Variants in ARHGAP6 observed in about 807,000 individuals in gnomAD.
The protein encoded by ARHGAP6 is rho GTPase-activating protein 6.
ARHGAP6 carries 16 observed loss-of-function variants against 55.7 expected under a neutral mutation model. That is an observed-to-expected ratio of 0.29 (90% confidence interval 0.19 to 0.44). ARHGAP6 has a LOEUF of 0.44. Ranked by LOEUF, ARHGAP6 falls within the 20% of genes least tolerant of loss-of-function variation. The pLI, the probability that ARHGAP6 is intolerant of heterozygous loss-of-function variation, is 1.00. For synonymous variants in ARHGAP6, 382 were observed against 360.9 expected (o/e 1.06, Z -0.66); for missense variants, 698 against 808.9 (o/e 0.86, Z 1.66).
intron 1 of ARHGAP6, among the ~76,000 whole-genome samples, chrX:11,657,989 A>C (rs761567577): frequency 4.5e-5 from 5 of 112,090 alleles, no homozygotes; most frequent in Middle Eastern, 4.6e-3. Flanking sequence ...AATCAGGATA[A>C]AAACTGATTG....
intron 5 of ARHGAP6, among the ~76,000 whole-genome samples, chrX:11,184,407 T>A (rs956885952): frequency 8.9e-6 from 1 of 112,472 alleles, no homozygotes; most frequent in African/African-American, 3.2e-5. Context: ...TATAACATTA[T>A]TTCTTTACAT....
At chrX:11,366,880 T>A (rs2049086395) in intron 1 of ARHGAP6, among the ~76,000 whole-genome samples, 1 of 111,539 alleles carries the variant, frequency 9.0e-6, no homozygotes, top group Admixed American at 9.5e-5. Flanking sequence ...AGCCACAGAA[T>A]TGATAAAAGG....
chrX:11,270,115 C>T (rs1369373380), intron 1 of ARHGAP6, among the ~76,000 whole-genome samples: 2 of 111,958 alleles, frequency 1.8e-5, no homozygotes, highest in Non-Finnish European at 3.8e-5. Flanking sequence ...ACAAAGAGAG[C>T]GTAAAGCGTA....
chrX:11,139,319 G>T lies in ARHGAP6; in HGVS notation c.2469C>A (p.His823Gln), dbSNP rs1362150548. 3 of 1,183,196 alleles carry T rather than the reference G, an allele frequency of 2.5e-6. No individual in the cohort carries two copies. The highest frequency in any genetic ancestry group is 1.8e-5 in the South Asian group (1 of 54,179). The change falls in exon 13 of 13, where the codon CAC (histidine) becomes CAA (glutamine). Residue 823 changes from histidine to glutamine, a missense_variant. His to Gln is a conservative substitution (Grantham distance 24). Around this residue, in one of 3 missense-constraint regions of ARHGAP6, gnomAD observed 212 missense variants for 208.7 expected, o/e 1.02. Coordinates refer to ENST00000337414, the MANE Select transcript of ARHGAP6 (RefSeq NM_013427.3). Reference protein sequence around the residue: ...PAVSRACSTPHVQVAGKAERP... With the variant: ...PAVSRACSTPQVQVAGKAERP... The stretch of plus-strand genomic sequence containing the variant: ...GCTCGGCTTTCCCTGCCACCTGGAC[G>T]TGGGGCGTGCTGCAGGCGCGCGACA...
intron 1 of ARHGAP6, among the ~76,000 whole-genome samples, chrX:11,354,327 CTATATATATA>C (rs1174449401): frequency 3.1e-4 from 10 of 32,348 alleles, no homozygotes; most frequent in Non-Finnish European, 4.7e-4. Context: ...CTCTCTCTCT[CTATATATATA>C]TATATATATA....
chrX:11,556,639 G>A (rs749041059), intron 1 of ARHGAP6, among the ~76,000 whole-genome samples: 2 of 112,179 alleles, frequency 1.8e-5, no homozygotes, highest in South Asian at 3.7e-4. Context: ...GGAGTTCCTC[G>A]AGACAGGAAA....
chrX:11,651,800 G>A (rs926118272), intron 1 of ARHGAP6, among the ~76,000 whole-genome samples: 3 of 111,552 alleles, frequency 2.7e-5, no homozygotes, highest in Non-Finnish European at 5.7e-5. Context: ...GCCAGCATCT[G>A]TTATTTTTTT....
chrX:11,661,953 C>A (rs1381451801), intron 1 of ARHGAP6, among the ~76,000 whole-genome samples: 1 of 111,910 alleles, frequency 8.9e-6, no homozygotes, highest in Non-Finnish European at 1.9e-5. Flanking sequence ...TGCTAAATAC[C>A]CCGCAATACC....
chrX:11,152,141 CTAGAG>C (rs2045789944), intron 10 of ARHGAP6, among the ~76,000 whole-genome samples: 1 of 111,928 alleles, frequency 8.9e-6, no homozygotes, highest in African/African-American at 3.2e-5. Flanking sequence ...GATGAGGAAA[CTAGAG>C]AGAGAGATCT....
intron 10 of ARHGAP6, among the ~76,000 whole-genome samples, chrX:11,153,234 T>G (rs1391707618): frequency 2.7e-5 from 3 of 110,378 alleles, no homozygotes; most frequent in Non-Finnish European, 5.7e-5. Context: ...CATAGTAAAG[T>G]TTGAGAAGCA....
intron 1 of ARHGAP6, among the ~76,000 whole-genome samples, chrX:11,573,755 G>T: frequency 9.0e-6 from 1 of 110,567 alleles, no homozygotes; most frequent in East Asian, 2.8e-4. Context: ...GGATGGCATT[G>T]AATCTATAAA....
intron 1 of ARHGAP6, among the ~76,000 whole-genome samples, chrX:11,631,809 A>C (rs1285816111): frequency 2.7e-5 from 3 of 112,424 alleles, no homozygotes; most frequent in Non-Finnish European, 5.6e-5. Flanking sequence ...GCTATGTCCC[A>C]ATAAAGCTTT....
chrX:11,478,023 G>C (rs1165799917), intron 1 of ARHGAP6, among the ~76,000 whole-genome samples: 2 of 111,689 alleles, frequency 1.8e-5, no homozygotes, highest in African/African-American at 6.5e-5. Context: ...TTTTTAAAAA[G>C]AGATATAAAT....
chrX:11,298,353 A>G (rs1301809932), intron 1 of ARHGAP6: 2 of 1,112,360 alleles, frequency 1.8e-6, no homozygotes, highest in Non-Finnish European at 2.5e-6. Flanking sequence ...GTGAAATATC[A>G]TGTCTACTCC....
intron 1 of ARHGAP6, among the ~76,000 whole-genome samples, chrX:11,567,566 A>AAAAAAAAAAAAAAAATATATATATATAT (rs1440758737): frequency 1.2e-5 from 1 of 84,409 alleles, no homozygotes; most frequent in Non-Finnish European, 2.3e-5. Flanking sequence ...AAAAAAAAAA[A>AAAAAAAAAAAAAAAATATATATATATAT]ATATATATAT....
chrX:11,199,010 T>C (rs1265883070), intron 2 of ARHGAP6, among the ~76,000 whole-genome samples: 1 of 112,420 alleles, frequency 8.9e-6, no homozygotes, highest in Non-Finnish European at 1.9e-5. Flanking sequence ...TTTTCCTGTT[T>C]TGGGATGCAT....
chrX:11,181,522 A>G (rs996421947), intron 6 of ARHGAP6, among the ~76,000 whole-genome samples: 3 of 112,504 alleles, frequency 2.7e-5, no homozygotes, highest in African/African-American at 9.7e-5. Flanking sequence ...TGAAGGTCTA[A>G]TATCAAACTT....
At chrX:11,338,329 T>C (rs140043423) in intron 1 of ARHGAP6, among the ~76,000 whole-genome samples, 2 of 111,900 alleles carry the variant, frequency 1.8e-5, no homozygotes, top group Non-Finnish European at 3.8e-5. Context: ...ATTTGAATCT[T>C]ACTTGGCATT....
chrX:11,214,203 C>A (rs1402880217), intron 2 of ARHGAP6, among the ~76,000 whole-genome samples: 1 of 108,703 alleles, frequency 9.2e-6, no homozygotes, highest in African/African-American at 3.3e-5. Context: ...AAAAAGTATG[C>A]CATTATACCT....
Sources: allele counts gnomAD v4.1 joint callset (sites outside exome capture counted in the v4.1 genomes callset), GRCh38; gene constraint gnomAD v4.1.1; regional missense constraint gnomAD v4.1.1; transcripts MANE v1.5; gene names NCBI Gene and HGNC (gene_info 2026-07-23, HGNC 2026-07-21).